The following PTPRD variants were observed in gnomAD, a reference collection of about 807,000 sequenced individuals.
PTPRD encodes the protein protein tyrosine phosphatase receptor type D.
Under a neutral mutation model 214.5 loss-of-function variants are expected in PTPRD, and 34 were observed. That is an observed-to-expected ratio of 0.16 (90% CI 0.12 to 0.21). The LOEUF is 0.21. Among genes scored for constraint, PTPRD ranks in the 10% least tolerant of loss-of-function variants. The pLI, the probability that PTPRD is intolerant of heterozygous loss-of-function variation, is 1.00. For synonymous variants in PTPRD, 1,128 were observed against 845.7 expected, an observed-to-expected ratio of 1.33 and a Z score of -5.79; for missense variants, 2,545 against 2,398.7, an observed-to-expected ratio of 1.06 and a Z score of -1.27.
intron 2 of PTPRD, among the ~76,000 whole-genome samples, chr9:10,389,962 C>A (rs2098022073): frequency 6.6e-6 from 1 of 151,742 alleles, no homozygotes; most frequent in African/African-American, 2.4e-5. Flanking sequence ...TTAAGAGAAT[C>A]TATAGCTTTT....
At chr9:10,211,531 T>G (rs1203752479) in intron 3 of PTPRD, among the ~76,000 whole-genome samples, 1 of 152,158 alleles carries the variant, frequency 6.6e-6, no homozygotes, top group Non-Finnish European at 1.5e-5. Context: ...GAATGGTAAA[T>G]GCCCACCAGA....
At chr9:9,878,634 T>C (rs1486271147) in intron 5 of PTPRD, among the ~76,000 whole-genome samples, 8 of 152,158 alleles carry the variant, frequency 5.3e-5, no homozygotes, top group African/African-American at 1.9e-4. Context: ...GGATGAATGA[T>C]AGAACTCTTG....
At chr9:9,754,903 G>T (rs1366538285) in intron 6 of PTPRD, among the ~76,000 whole-genome samples, 1 of 152,008 alleles carries the variant, frequency 6.6e-6, no homozygotes, top group Admixed American at 6.6e-5. Context: ...GAAAATGATG[G>T]AGGAAATTAT....
At chr9:9,436,179 A>G (rs764310994) in intron 8 of PTPRD, among the ~76,000 whole-genome samples, 23 of 152,182 alleles carry the variant, frequency 1.5e-4, no homozygotes, top group Non-Finnish European at 2.6e-4. Context: ...CTTTGGGTGA[A>G]CAATTCTGAG....
In PTPRD at chr9:8,635,879, T is replaced by C. The variant is rs117479291; in HGVS notation, c.210+820A>G. 5.2e-3 allele frequency among the ~76,000 whole-genome samples: 798 copies of C among 152,220 alleles called. 1 individual carries two copies. Among genetic ancestry groups the C allele is most frequent in the Non-Finnish European group, 9.5e-3 (643 of 68,012 alleles). ...TATATCTTATTGCCTATATTTCTCC[T>C]CCAGAATGAGCAAATTTCTAAACCA... On this transcript the variant is annotated intron_variant, in intron 13 of 45. Transcript: ENST00000381196.
chr9:9,189,017 C>A (rs1034634753), intron 9 of PTPRD, among the ~76,000 whole-genome samples: 58 of 152,130 alleles, frequency 3.8e-4, no homozygotes, highest in African/African-American at 1.3e-3. Context: ...TAATATCAGT[C>A]TATTCTAAAT....
intron 2 of PTPRD, among the ~76,000 whole-genome samples, chr9:10,536,917 C>T (rs2057938630): frequency 6.6e-6 from 1 of 152,076 alleles, no homozygotes; most frequent in Non-Finnish European, 1.5e-5. Flanking sequence ...AGAGTTTCAC[C>T]TAAGCCAGCA....
chr9:10,408,330 T>C (rs763531596), intron 2 of PTPRD, among the ~76,000 whole-genome samples: 28 of 151,678 alleles, frequency 1.8e-4, no homozygotes, highest in Non-Finnish European at 3.4e-4. Flanking sequence ...TATGTGAAAT[T>C]TGGAGTTAGC....
At chr9:8,584,803 C>A (rs1255293082) in intron 14 of PTPRD, among the ~76,000 whole-genome samples, 1 of 152,192 alleles carries the variant, frequency 6.6e-6, no homozygotes, top group Non-Finnish European at 1.5e-5. Context: ...AACTGACTAA[C>A]AGTTCAGAAT....
At chr9:9,704,143 AT>A (rs1357491211) in intron 7 of PTPRD, among the ~76,000 whole-genome samples, 22 of 152,310 alleles carry the variant, frequency 1.4e-4, no homozygotes, top group Admixed American at 2.0e-4. Context: ...TCTGAATCTC[AT>A]AATGCAAAGT....
chr9:10,398,137 G>A (rs2098206044), intron 2 of PTPRD, among the ~76,000 whole-genome samples: 1 of 151,420 alleles, frequency 6.6e-6, no homozygotes, highest in African/African-American at 2.4e-5. Context: ...CCAACACTTG[G>A]GAAGGTGGAG....
At chr9:9,601,137 G>C (rs1007234694) in intron 7 of PTPRD, among the ~76,000 whole-genome samples, 1 of 127,644 alleles carries the variant, frequency 7.8e-6, no homozygotes, top group Non-Finnish European at 1.6e-5. Context: ...GTGTGTGTGT[G>C]TGTGTGTGTG....
intron 7 of PTPRD, among the ~76,000 whole-genome samples, chr9:9,724,480 T>A (rs1006367470): frequency 1.3e-5 from 2 of 152,144 alleles, no homozygotes; most frequent in Non-Finnish European, 2.9e-5. Flanking sequence ...GAATATATAT[T>A]GAGGTAGTAA....
chr9:9,750,353 A>G (rs2098504721), intron 6 of PTPRD, among the ~76,000 whole-genome samples: 1 of 152,220 alleles, frequency 6.6e-6, no homozygotes, highest in Admixed American at 6.5e-5. Flanking sequence ...AATAGAGATT[A>G]AACATCTAAT....
chr9:10,463,255 C>T (rs957452074), intron 2 of PTPRD, among the ~76,000 whole-genome samples: 15 of 152,052 alleles, frequency 9.9e-5, no homozygotes, highest in Non-Finnish European at 1.8e-4. Context: ...ACAATTTTAA[C>T]GAGCATTTAT....
At position 8,362,882 on chromosome 9, in the gene PTPRD, G is replaced by T. The variant is rs550672834; in HGVS notation, c.4661+13054C>A. Reference sequence around the variant, plus strand: ...ACATTTCTACAATTATCATTTTTTTGATCCTGAAAGCTAAGTATGTAGTGA... The same window carrying T: ...ACATTTCTACAATTATCATTTTTTTTATCCTGAAAGCTAAGTATGTAGTGA... On this transcript the variant is annotated intron_variant, in intron 39 of 45. Transcript: ENST00000381196. 2.6e-5 allele frequency among the ~76,000 whole-genome samples: 4 copies of T among 152,030 alleles called. No homozygotes were observed. The East Asian group carries it at 7.7e-4, about 29-fold the overall frequency.
intron 44 of PTPRD, among the ~76,000 whole-genome samples, chr9:8,320,830 A>C (rs1826642713): frequency 1.3e-5 from 2 of 152,136 alleles, no homozygotes; most frequent in Admixed American, 6.6e-5. Context: ...GCTCTTGTGC[A>C]CTTAAGGAGG....
intron 3 of PTPRD, among the ~76,000 whole-genome samples, chr9:10,285,582 T>A (rs916542735): frequency 4.6e-5 from 7 of 151,588 alleles, no homozygotes; most frequent in African/African-American, 1.7e-4. Context: ...CTGGACATGT[T>A]TCATATTATT....
chr9:8,499,082 C>T (rs1412189974), intron 25 of PTPRD, among the ~76,000 whole-genome samples: 1 of 151,920 alleles, frequency 6.6e-6, no homozygotes, highest in East Asian at 1.9e-4. Flanking sequence ...CTAGGAAATT[C>T]TGATTTAATT....
Sources: gnomAD v4.1 joint callset for allele counts (sites outside exome capture counted in the v4.1 genomes callset) on GRCh38, gnomAD v4.1.1 for gene constraint, MANE v1.5 for transcripts, NCBI Gene and HGNC (gene_info 2026-07-23, HGNC 2026-07-21) for gene names.